The following DNAJC3 variants were observed in gnomAD, a reference collection of about 807,000 sequenced individuals.
DNAJC3 encodes DnaJ heat shock protein family (Hsp40) member C3.
In DNAJC3, 38 loss-of-function variants were observed where a neutral mutation model predicts 68.6. The observed-to-expected ratio is 0.55, with a 90% CI of 0.43 to 0.73. The LOEUF (loss-of-function observed/expected upper bound fraction) is 0.73. DNAJC3 is among the 30% of genes least tolerant of loss of function. The pLI is 0.00. For synonymous variants in DNAJC3, 203 were observed against 204.0 expected (o/e 1.00, Z 0.04); for missense variants, 526 against 591.9 (o/e 0.89, Z 1.16).
intron 9 of DNAJC3, among the ~76,000 whole-genome samples, chr13:95,778,941 C>A (rs762271414): frequency 3.3e-5 from 5 of 152,014 alleles, no homozygotes; most frequent in Non-Finnish European, 7.4e-5. Flanking sequence ...AGTGTTTGGA[C>A]AGAAGTCAGA....
intron 2 of DNAJC3, among the ~76,000 whole-genome samples, chr13:95,712,803 T>G (rs1881014248): frequency 6.6e-6 from 1 of 152,206 alleles, no homozygotes; most frequent in African/African-American, 2.4e-5. Context: ...ATTGGGAAAT[T>G]ACAGTTTTGC....
chr13:95,682,506 C>T (rs1879945766), intron 1 of DNAJC3, among the ~76,000 whole-genome samples: 1 of 152,132 alleles, frequency 6.6e-6, no homozygotes, highest in Admixed American at 6.5e-5. Context: ...ATTTTCTGCT[C>T]TCCAAAATAT....
At chr13:95,690,395 A>T (rs1233353462) in intron 1 of DNAJC3, among the ~76,000 whole-genome samples, 1 of 151,826 alleles carries the variant, frequency 6.6e-6, no homozygotes, top group African/African-American at 2.4e-5. Context: ...CTTTCTACAC[A>T]GACACGGCAA....
intron 1 of DNAJC3, among the ~76,000 whole-genome samples, chr13:95,690,442 C>G (rs879278517): frequency 3.3e-5 from 5 of 151,264 alleles, no homozygotes; most frequent in East Asian, 2.0e-4. Flanking sequence ...ACCTTTCCCC[C>G]CTTTCTATTC....
chr13:95,680,836 A>G (rs1879891983), intron 1 of DNAJC3, among the ~76,000 whole-genome samples: 2 of 152,208 alleles, frequency 1.3e-5, no homozygotes, highest in African/African-American at 4.8e-5. Flanking sequence ...ATATGGAAGT[A>G]TCATGGGAAC....
chr13:95,783,156 A>G (rs1437915079), intron 9 of DNAJC3, among the ~76,000 whole-genome samples: 1 of 152,120 alleles, frequency 6.6e-6, no homozygotes, highest in African/African-American at 2.4e-5. Context: ...GTGGAGTCTG[A>G]GAAAGTATAA....
At chr13:95,697,057 G>C (rs1880461262) in intron 1 of DNAJC3, among the ~76,000 whole-genome samples, 1 of 152,190 alleles carries the variant, frequency 6.6e-6, no homozygotes, top group Non-Finnish European at 1.5e-5. Flanking sequence ...GTTTGTTCCT[G>C]TTATAGTGTT....
chr13:95,746,908 C>A (rs766526893), intron 4 of DNAJC3, among the ~76,000 whole-genome samples: 1 of 152,144 alleles, frequency 6.6e-6, no homozygotes, highest in Non-Finnish European at 1.5e-5. Flanking sequence ...AAAGTATCTC[C>A]TCAGGTTCAT....
At chr13:95,701,153 C>T (rs1339036883) in intron 1 of DNAJC3, among the ~76,000 whole-genome samples, 1 of 152,188 alleles carries the variant, frequency 6.6e-6, no homozygotes, top group Non-Finnish European at 1.5e-5. Context: ...GTGGAACTTT[C>T]CGCGATGATG....
chr13:95,731,934 C>T (rs555979451), intron 4 of DNAJC3, among the ~76,000 whole-genome samples: 2 of 138,842 alleles, frequency 1.4e-5, no homozygotes, highest in Admixed American at 1.5e-4. Context: ...GAGACTGGGT[C>T]GCACTTTGTT....
chr13:95,745,038 A>G (rs1882260229), intron 4 of DNAJC3: 1 of 152,190 alleles, frequency 6.6e-6, no homozygotes, highest in Non-Finnish European at 1.5e-5. Flanking sequence ...TTTTGCCCAG[A>G]GACACTTACT....
At chr13:95,684,952 C>T (rs1880031260) in intron 1 of DNAJC3, among the ~76,000 whole-genome samples, 1 of 152,254 alleles carries the variant, frequency 6.6e-6, no homozygotes, top group South Asian at 2.1e-4. Flanking sequence ...CAGAAGGTTG[C>T]TGCAGGGGCA....
intron 4 of DNAJC3, among the ~76,000 whole-genome samples, chr13:95,736,459 G>A (rs1011143080): frequency 1.4e-5 from 2 of 146,830 alleles, no homozygotes; most frequent in African/African-American, 5.0e-5. Flanking sequence ...CATGAGCATG[G>A]AATGTTCTTC....
intron 9 of DNAJC3, among the ~76,000 whole-genome samples, chr13:95,777,390 A>G (rs1883321178): frequency 6.6e-6 from 1 of 152,146 alleles, no homozygotes; most frequent in Non-Finnish European, 1.5e-5. Context: ...TTTTCAGTCT[A>G]GATCCATCTT....
In DNAJC3 at chr13:95,746,010, C is replaced by G. The variant is rs558301403; in HGVS notation, c.394-11634C>G. Among the ~76,000 whole-genome samples the G allele has an allele frequency of 7.0e-4, 107 of 152,278 alleles. 1 individual carries two copies. Among genetic ancestry groups the G allele is most frequent in the Non-Finnish European group, 1.2e-3 (80 of 68,020 alleles). On this transcript the variant is annotated intron_variant, in intron 4 of 11. Coordinates refer to ENST00000602402, the MANE Select transcript of DNAJC3 (RefSeq NM_006260.5). Reference sequence around the variant, plus strand: ...CTATATTCGTAGTCTCAGTTTACAGCAGAGGAAATTGAGGCTTAGAGCAGT... The same window carrying G: ...CTATATTCGTAGTCTCAGTTTACAGGAGAGGAAATTGAGGCTTAGAGCAGT...
Position 95,793,514 on chromosome 13 carries a change from G to T in DNAJC3, c.*2484G>T, listed in dbSNP as rs985791150. 8.7e-6 allele frequency: 1 copy of T among 115,014 alleles called. No homozygotes were observed. Among genetic ancestry groups the T allele is most frequent in the Non-Finnish European group, 1.7e-5 (1 of 59,888 alleles). The allele number at this position is 115,014 out of a possible 1,614,324, so 7.1% of individuals were successfully genotyped here. On this transcript the variant is annotated 3_prime_UTR_variant, in exon 12 of 12. Coordinates refer to ENST00000602402, the MANE Select transcript of DNAJC3 (RefSeq NM_006260.5). ...TTTTTTTTTTTTTTTTTTTGAGACAGAATCTTGCTCTGTTGCCCAGGCTGG... is the reference window on the plus strand; with the variant it reads ...TTTTTTTTTTTTTTTTTTTGAGACATAATCTTGCTCTGTTGCCCAGGCTGG...
chr13:95,785,452 CTTT>C (rs36052714), intron 9 of DNAJC3, among the ~76,000 whole-genome samples: 65 of 77,922 alleles, frequency 8.3e-4, no homozygotes, highest in African/African-American at 2.5e-3. Flanking sequence ...CCTTTTAAAC[CTTT>C]TTTTTTTTTT....
intron 7 of DNAJC3, among the ~76,000 whole-genome samples, chr13:95,761,118 G>A (rs61972861): frequency 1.3e-5 from 2 of 152,190 alleles, no homozygotes; most frequent in South Asian, 2.1e-4. Context: ...GAAGTTTATA[G>A]CATTGCGTGG....
At chr13:95,750,635 A>G (rs113770857) in intron 4 of DNAJC3, among the ~76,000 whole-genome samples, 2,596 of 151,500 alleles carry the variant, frequency 0.017, 77 homozygotes, top group African/African-American at 0.06. Flanking sequence ...TCAGCCTCCT[A>G]AGTAGCTGGG....
Sources: gnomAD v4.1 joint callset for allele counts (sites outside exome capture counted in the v4.1 genomes callset) on GRCh38, gnomAD v4.1.1 for gene constraint, MANE v1.5 for transcripts, NCBI Gene and HGNC (gene_info 2026-07-23, HGNC 2026-07-21) for gene names.